The following RAP1GAP2 variants were observed in gnomAD, a reference collection of about 807,000 sequenced individuals.
RAP1GAP2 encodes the protein RAP1 GTPase activating protein 2, also known as rap1 GTPase-activating protein 2.
A neutral mutation model predicts 95.0 loss-of-function variants in RAP1GAP2; 27 were observed. That is an observed-to-expected ratio of 0.28 (90% CI 0.21 to 0.39). The LOEUF (loss-of-function observed/expected upper bound fraction) is 0.39, where lower values mean the gene tolerates loss of function less well. Ranked by LOEUF, RAP1GAP2 falls within the 10% of genes least tolerant of loss-of-function variation. RAP1GAP2 has a pLI of 1.00. For synonymous variants in RAP1GAP2, 373 were observed against 380.9 expected (o/e 0.98, Z 0.24); for missense variants, 771 against 970.0 (o/e 0.79, Z 2.72).
At chr17:2,785,484 A>G (rs2068750962) in intron 1 of RAP1GAP2, among the ~76,000 whole-genome samples, 3 of 152,076 alleles carry the variant, frequency 2.0e-5, no homozygotes, top group African/African-American at 7.2e-5. Flanking sequence ...TGATAATTAT[A>G]ACATCAACCC....
chr17:3,008,010 G>A lies in RAP1GAP2; in HGVS notation c.1360-1G>A. ...TCCATCCCCACCCTCTTCCCTTCTA[G>A]GACCGGACCAGGGCTGCCCTCCTGG... is the stretch of plus-strand genomic sequence containing the variant. On this transcript the variant is annotated splice_acceptor_variant, in intron 16 of 24. Coordinates refer to ENST00000254695, the MANE Select transcript of RAP1GAP2 (RefSeq NM_015085.5). LOFTEE classifies it high-confidence loss of function. The surrounding 1 kb of genome is among the most constrained non-coding windows in gnomAD (Gnocchi z 4.2). 1 of 1,613,746 alleles carries A rather than the reference G, an allele frequency of 6.2e-7. No homozygotes were observed. Among genetic ancestry groups the A allele is most frequent in the Non-Finnish European group, 8.5e-7 (1 of 1,179,752 alleles).
At chr17:2,790,569 CA>C (rs1476770318) in intron 1 of RAP1GAP2, among the ~76,000 whole-genome samples, 4 of 151,902 alleles carry the variant, frequency 2.6e-5, no homozygotes, top group Admixed American at 1.3e-4. Flanking sequence ...AGCTGAGCTC[CA>C]GGGGGTTAGT....
At chr17:2,935,958 T>A (rs1284219758) in intron 3 of RAP1GAP2, among the ~76,000 whole-genome samples, 1 of 152,120 alleles carries the variant, frequency 6.6e-6, no homozygotes, top group Non-Finnish European at 1.5e-5. Context: ...CTGCTGGGCA[T>A]CCTTAATAGT....
chr17:2,969,173 A>ATCTATCTATCTATCTATCTG (rs2044742912), intron 8 of RAP1GAP2, among the ~76,000 whole-genome samples: 1 of 102,238 alleles, frequency 9.8e-6, no homozygotes, highest in South Asian at 2.9e-4. Flanking sequence ...TTATCTATCT[A>ATCTATCTATCTATCTATCTG]TCTATCTATA....
At chr17:2,826,427 A>G (rs1483016814) in intron 2 of RAP1GAP2, among the ~76,000 whole-genome samples, 2 of 152,064 alleles carry the variant, frequency 1.3e-5, no homozygotes, top group African/African-American at 4.8e-5. Context: ...GGAAACAGCC[A>G]GAGGCGAGGG....
chr17:2,896,361 C>T (rs561500185), intron 2 of RAP1GAP2, among the ~76,000 whole-genome samples: 34 of 152,304 alleles, frequency 2.2e-4, no homozygotes, highest in Middle Eastern at 3.4e-3. Flanking sequence ...GTCCCCTCCT[C>T]GCTCCCTGCT....
chr17:2,907,811 CT>C (rs2042247163), intron 3 of RAP1GAP2, among the ~76,000 whole-genome samples: 1 of 152,028 alleles, frequency 6.6e-6, no homozygotes, highest in Non-Finnish European at 1.5e-5. Flanking sequence ...TCAGAGTCAG[CT>C]TTTTTATTTT....
upstream of RAP1GAP2, among the ~76,000 whole-genome samples, chr17:2,773,280 C>T (rs1047021772): frequency 1.5e-4 from 23 of 152,292 alleles, no homozygotes; most frequent in African/African-American, 5.1e-4. Flanking sequence ...CGATCCGCAT[C>T]GGTGAGTAGG....
At chr17:2,756,256 TG>T (rs34053453) in intron 1 of RAP1GAP2, among the ~76,000 whole-genome samples, 1,713 of 152,242 alleles carry the variant, frequency 0.011, 32 homozygotes, top group African/African-American at 0.038. Flanking sequence ...CAGGAGCCCC[TG>T]GGGGTGTGCA....
At chr17:2,912,122 C>T (rs1312243386) in intron 3 of RAP1GAP2, among the ~76,000 whole-genome samples, 1 of 152,248 alleles carries the variant, frequency 6.6e-6, no homozygotes, top group Non-Finnish European at 1.5e-5. Flanking sequence ...AGGGAATGCC[C>T]CCACCGCCTC....
chr17:2,798,440 T>C (rs1249717870), intron 1 of RAP1GAP2, among the ~76,000 whole-genome samples: 2 of 152,024 alleles, frequency 1.3e-5, no homozygotes, highest in Non-Finnish European at 2.9e-5. Flanking sequence ...CTTCTGGGCT[T>C]GGAAGGTTAA....
At chr17:2,945,534 C>T (rs964122423) in intron 3 of RAP1GAP2, among the ~76,000 whole-genome samples, 1 of 150,588 alleles carries the variant, frequency 6.6e-6, no homozygotes, top group South Asian at 2.1e-4. Flanking sequence ...AAGTGAGTTT[C>T]CTTGTTTTGT....
rs79812443 is a variant in RAP1GAP2, at chr17:2,905,373, G to A, written c.165+5G>A. On this transcript the variant is annotated splice_donor_5th_base_variant and intron_variant, in intron 3 of 24. Transcript: ENST00000254695. The stretch of plus-strand genomic sequence containing the variant: ...ACGGCACCTCCCACCATGAAGGTAA[G>A]AGGCTTCGATTCAGGAAGGCAGGGA... 1.2e-6 allele frequency: 2 copies of A among 1,613,170 alleles called. No homozygotes were observed. Among genetic ancestry groups the A allele is most frequent in the East Asian group, 2.2e-5 (1 of 44,844 alleles).
chr17:2,958,115 G>T (rs1473633308), intron 4 of RAP1GAP2, among the ~76,000 whole-genome samples: 2 of 152,080 alleles, frequency 1.3e-5, no homozygotes, highest in Non-Finnish European at 2.9e-5. Context: ...TGGAAAGAAG[G>T]CCTGAAAGAA....
At chr17:2,791,528 C>G (rs183037370), upstream of RAP1GAP2, among the ~76,000 whole-genome samples, 158 of 152,292 alleles carry the variant, frequency 1.0e-3, no homozygotes, top group Non-Finnish European at 1.7e-3. Flanking sequence ...TTCTGTGGAT[C>G]CAGAATTAGT....
At chr17:3,018,268 AGTGCCCCCACCCAGGCTT>A in intron 18 of RAP1GAP2, 70 bp downstream of exon 18, 1 of 1,496,370 alleles carries the variant, frequency 6.7e-7, no homozygotes, top group South Asian at 1.3e-5. Context: ...ATGGAGGAAG[AGTGCCCCCACCCAGGCTT>A]GGGCAGGTGA....
intron 17 of RAP1GAP2, among the ~76,000 whole-genome samples, chr17:3,009,959 C>G (rs2046464192): frequency 1.4e-5 from 2 of 144,694 alleles, no homozygotes; most frequent in Admixed American, 1.3e-4. Flanking sequence ...TCCACAGGCT[C>G]TAGACTTCCT....
intron 1 of RAP1GAP2, among the ~76,000 whole-genome samples, chr17:2,755,972 G>A (rs2071133133): frequency 6.6e-6 from 1 of 152,158 alleles, no homozygotes; most frequent in Non-Finnish European, 1.5e-5. Context: ...GGTCTCTGCG[G>A]CTCTCCAAAG....
At chr17:2,942,410 T>C (rs1046905588) in intron 3 of RAP1GAP2, among the ~76,000 whole-genome samples, 1 of 152,198 alleles carries the variant, frequency 6.6e-6, no homozygotes, top group South Asian at 2.1e-4. Flanking sequence ...ATTTGGCTCA[T>C]AGAATGATTA....
Sources: allele counts gnomAD v4.1 joint callset (sites outside exome capture counted in the v4.1 genomes callset), GRCh38; gene constraint gnomAD v4.1.1; non-coding constraint Gnocchi (gnomAD v3.1); transcripts MANE v1.5; gene names NCBI Gene and HGNC (gene_info 2026-07-23, HGNC 2026-07-21).